EHMT2: variants seen among roughly 807,000 people sequenced by gnomAD.
EHMT2 encodes the protein euchromatic histone lysine methyltransferase 2, also known as histone-lysine N-methyltransferase EHMT2.
EHMT2 carries 59 observed loss-of-function variants against 143.3 expected under a neutral mutation model. The ratio of observed to expected loss-of-function variants is 0.41; its 90% CI spans 0.33 to 0.51. The LOEUF is 0.51. Among genes scored for constraint, EHMT2 ranks in the 20% least tolerant of loss-of-function variants. The probability of loss-of-function intolerance (pLI) is 0.18; values close to 1 mark genes in which losing one functional copy is unlikely to be tolerated. For missense variants in EHMT2, 1,174 were observed against 1,645.9 expected (o/e 0.71, Z 4.96); for synonymous variants, 604 against 651.5 (o/e 0.93, Z 1.11).
chr6:31,894,529 C>T (rs1176184127), intron 4 of EHMT2, among the ~76,000 whole-genome samples: 3 of 151,626 alleles, frequency 2.0e-5, no homozygotes, highest in Non-Finnish European at 2.9e-5. Flanking sequence ...GTGATCCTCC[C>T]GCCTCGGCCT....
chr6:31,886,886 G>A, exon 17 of EHMT2: 1 of 1,614,184 alleles, frequency 6.2e-7, no homozygotes. Context: ...CTGCATTTAT[G>A]TTGGCTCCAG....
Position 31,888,327 on chromosome 6 carries a change from AG to A in EHMT2, c.1509+35del. ...AGGTTACTGGGGCCCCCTCTGCCAC[AG>A]GGCATGCTACCTGTCTGCCCCACTG... On this transcript the variant is annotated intron_variant, in intron 12 of 27. Coordinates refer to ENST00000375537, the Ensembl canonical transcript of EHMT2. The surrounding 1 kb of genome is among the most constrained non-coding windows in gnomAD (Gnocchi z 7.4). 6.2e-7 allele frequency: 1 copy of A among 1,611,664 alleles called. No homozygotes were observed. The highest frequency in any genetic ancestry group is 8.5e-7 in the Non-Finnish European group (1 of 1,179,174).
intron 25 of EHMT2, 44 bp downstream of exon 25, chr6:31,882,655 G>GTATC: frequency 6.3e-7 from 1 of 1,575,552 alleles, no homozygotes; most frequent in Non-Finnish European, 8.7e-7. Flanking sequence ...CAGTGGCCAT[G>GTATC]TATCCCCTTC....
Position 31,883,024 on chromosome 6 carries a change from G to A in EHMT2, c.2995-15C>T, listed in dbSNP as rs749184976. Reference sequence around the variant, plus strand: ...AATCGCCCATCCTAGGGTGCGGAGGGGAGGATAGTGGTTTCTCTGTGGGGC... The same window carrying A: ...AATCGCCCATCCTAGGGTGCGGAGGAGAGGATAGTGGTTTCTCTGTGGGGC... On this transcript the variant is annotated splice_polypyrimidine_tract_variant and intron_variant, in intron 23 of 27. Coordinates refer to ENST00000375537, the Ensembl canonical transcript of EHMT2. The surrounding 1 kb of genome is among the most constrained non-coding windows in gnomAD (Gnocchi z 5.6). 3.1e-6 allele frequency: 5 copies of A among 1,608,788 alleles called. No individual in the cohort carries two copies. The African/African-American group carries it at 4.0e-5, about 13-fold the overall frequency.
exon 1 of EHMT2, chr6:31,897,684 T>G (rs1423880643): frequency 9.0e-7 from 1 of 1,112,696 alleles, no homozygotes; most frequent in Admixed American, 4.6e-5. Context: ...CCATCGCCGC[T>G]TGCGCTGGGG....
Position 31,880,369 on chromosome 6 carries a change from C to A in EHMT2, c.3453-105G>T. ...CCCTGAGAGGGACCCGACACCCAAC[C>A]TATCTTCTCCAGATGGGATCTGAGC... On this transcript the variant is annotated intron_variant, in intron 27 of 27. Coordinates refer to ENST00000375537, the Ensembl canonical transcript of EHMT2. This position sits in a 1 kb window ranked among gnomAD's most constrained non-coding sequence, Gnocchi z 6.6. The A allele has an allele frequency of 7.7e-7, 1 of 1,294,666 alleles. No individual in the cohort carries two copies. The highest frequency in any genetic ancestry group is 1.1e-6 in the Non-Finnish European group (1 of 937,410). The allele number at this position is 1,294,666 out of a possible 1,614,324, so 80.2% of individuals were successfully genotyped here.
In EHMT2 at chr6:31,883,923, C is replaced by A; in HGVS notation, c.2799G>T (p.Val933=). The A allele has an allele frequency of 6.2e-7, 1 of 1,613,854 alleles. No individual in the cohort carries two copies. Among genetic ancestry groups the A allele is most frequent in the Non-Finnish European group, 8.5e-7 (1 of 1,179,934 alleles). The change falls in exon 22 of 28, where the codon GTG becomes GTT. Residue 933 remains valine, a synonymous_variant. Transcript: ENST00000375537. This position sits in a 1 kb window ranked among gnomAD's most constrained non-coding sequence, Gnocchi z 5.6. Reference sequence around the variant, plus strand: ...CCACACCGTTGACACAGGGAATGGGCACGTTCTCATAGCCCCGAGCCACGT... The same window carrying A: ...CCACACCGTTGACACAGGGAATGGGAACGTTCTCATAGCCCCGAGCCACGT...
At position 31,892,683 on chromosome 6, in the gene EHMT2, C is replaced by G. The variant is rs991191238; in HGVS notation, c.708+11G>C. The G allele has an allele frequency of 6.2e-7, 1 of 1,613,136 alleles. No individual in the cohort carries two copies. The highest frequency in any genetic ancestry group is 8.5e-7 in the Non-Finnish European group (1 of 1,180,026). Reference sequence around the variant, plus strand: ...CCCCCGAGGGGTAGAGGCTCTGCCTCTGCTGCTTACCAGGCCACCTCCTGA... The same window carrying G: ...CCCCCGAGGGGTAGAGGCTCTGCCTGTGCTGCTTACCAGGCCACCTCCTGA... On this transcript the variant is annotated intron_variant, in intron 6 of 27. Coordinates refer to ENST00000375537, the Ensembl canonical transcript of EHMT2.
chr6:31,897,346 C>A, intron 1 of EHMT2: 1 of 472,734 alleles, frequency 2.1e-6, no homozygotes, highest in Non-Finnish European at 3.4e-6. Context: ...GCACCCGCTG[C>A]CCCCCAGCCC....
Position 31,887,675 on chromosome 6 carries a change from G to A in EHMT2, c.1929-16C>T, listed in dbSNP as rs142196219. ...CTTCTTCCGCCTGCCAAGGGAGCACGGGAGCGGGGAGAGAAGGGGAGCTCC... is the reference window on the plus strand; with the variant it reads ...CTTCTTCCGCCTGCCAAGGGAGCACAGGAGCGGGGAGAGAAGGGGAGCTCC... On this transcript the variant is annotated splice_polypyrimidine_tract_variant and intron_variant, in intron 14 of 27. Coordinates refer to ENST00000375537, the Ensembl canonical transcript of EHMT2. 5.0e-6 allele frequency: 8 copies of A among 1,612,158 alleles called. No individual in the cohort carries two copies. The highest frequency in any genetic ancestry group is 2.7e-5 in the African/African-American group (2 of 74,934).
rs913312080 is a variant in EHMT2 at position 31,880,009 on chromosome 6, C to T, written c.*75G>A. 1.2e-5 allele frequency: 19 copies of T among 1,521,012 alleles called. No homozygotes were observed. In the African/African-American group the frequency reaches 1.5e-4, roughly 12 times the overall value. 94.2% of individuals were successfully genotyped at this position (1,521,012 alleles called of 1,614,324 possible). ...AGATGGCAGCACCCCCAGGCATGGG[C>T]TGCGAGCAGCTGGTGGCAGAGGAGG... On this transcript the variant is annotated 3_prime_UTR_variant, in exon 28 of 28. Coordinates refer to ENST00000375537, the Ensembl canonical transcript of EHMT2. This position sits in a 1 kb window ranked among gnomAD's most constrained non-coding sequence, Gnocchi z 6.6.
intron 4 of EHMT2, 86 bp from the exon 5 acceptor site, chr6:31,892,996 G>A (rs933858388): frequency 2.6e-5 from 21 of 816,220 alleles, no homozygotes; most frequent in Non-Finnish European, 1.1e-5. Context: ...CGGGGGTGGG[G>A]TAGTGAGCCA....
In EHMT2 at chr6:31,884,131, T is replaced by C. The variant is rs945089095; in HGVS notation, c.2772-181A>G. On this transcript the variant is annotated intron_variant, in intron 21 of 27. Coordinates refer to ENST00000375537, the Ensembl canonical transcript of EHMT2. This position sits in a 1 kb window ranked among gnomAD's most constrained non-coding sequence, Gnocchi z 7.3. ...AGATAAACAAGAAATAGCTTTTTAG[T>C]ATGTCCCAAAAATTACACAGGACAT... 5.8e-5 allele frequency: 44 copies of C among 759,404 alleles called. 1 individual carries two copies. In the East Asian group the frequency reaches 1.2e-3, roughly 20 times the overall value. 47.0% of individuals were successfully genotyped at this position (759,404 alleles called of 1,614,324 possible).
exon 24 of EHMT2, chr6:31,882,957 T>C (rs759972911): frequency 6.2e-7 from 1 of 1,612,842 alleles, no homozygotes; most frequent in Non-Finnish European, 8.5e-7. Flanking sequence ...CTGGTTACAC[T>C]CGAAAATCAG....
chr6:31,897,589 G>A, intron 1 of EHMT2, 47 bp downstream of exon 1: 2 of 1,125,956 alleles, frequency 1.8e-6, no homozygotes, highest in South Asian at 4.3e-5. Context: ...GCTTCCCCCG[G>A]GCGCGCGCGC....
Position 31,888,397 on chromosome 6 carries a change from T to C in EHMT2, c.1475A>G (p.His492Arg). The C allele has an allele frequency of 6.2e-7, 1 of 1,612,838 alleles. No individual in the cohort carries two copies. The highest frequency in any genetic ancestry group is 2.2e-5 in the East Asian group (1 of 44,870). ...GAAGTAGCCGCAGCCCGGGCAGCAG[T>C]GGTGTTTGACCATGCGGGCGCGGTG... Residue 492 changes from histidine to arginine, a missense_variant, in exon 12 of 28, where the codon CAC becomes CGC. This residue lies in a region of EHMT2 where 608 missense variants were observed against 903.7 expected (regional missense o/e 0.67). Coordinates refer to ENST00000375537, the Ensembl canonical transcript of EHMT2. This position sits in a 1 kb window ranked among gnomAD's most constrained non-coding sequence, Gnocchi z 7.4.
Position 31,883,413 on chromosome 6 carries a change from A to G in EHMT2, c.2943T>C (p.Ser981=), listed in dbSNP as rs142523755. The G allele has an allele frequency of 4.2e-5, 68 of 1,612,812 alleles. No homozygotes were observed. Among genetic ancestry groups the G allele is most frequent in the African/African-American group, 5.3e-5 (4 of 74,928 alleles). ...GCTGGCCGCACAGGCAGTTGGAGCT[A>G]GAGCAGTCGTCCACACACGTGCAGT... The change falls in exon 23 of 28, where the codon TCT becomes TCC. Residue 981 remains serine, a synonymous_variant. Transcript: ENST00000375537. The surrounding 1 kb of genome is among the most constrained non-coding windows in gnomAD (Gnocchi z 5.6).
Position 31,880,168 on chromosome 6 carries a change from G to A in EHMT2, c.3549C>T (p.Ala1183=). 1 of 1,613,044 alleles carries A rather than the reference G, an allele frequency of 6.2e-7. No individual in the cohort carries two copies. Among genetic ancestry groups the A allele is most frequent in the Non-Finnish European group, 8.5e-7 (1 of 1,180,032 alleles). Residue 1183 remains alanine (A), a synonymous_variant, in exon 28 of 28, where the codon GCC becomes GCT. Coordinates refer to ENST00000375537, the Ensembl canonical transcript of EHMT2. This position sits in a 1 kb window ranked among gnomAD's most constrained non-coding sequence, Gnocchi z 6.6. ...GGCGGGCCAGACGGCTCTGCTCCAG[G>A]GCAATGGCTTCGGCTGAGTGCTTGC...
chr6:31,892,831 G>T lies in EHMT2; in HGVS notation c.662C>A (p.Thr221Asn), dbSNP rs751473285. ...GGGTGGGGGATGGGACTGACCTGAG[G>T]TCACCTTTCCCAGTGAGTGGACATC... The change falls in exon 5 of 28, where the codon ACC (threonine) becomes AAC (asparagine). Residue 221 changes from threonine (T) to asparagine (N), a missense_variant. Thr to Asn is a moderately conservative substitution (Grantham distance 65). Around this residue, in one of 6 missense-constraint regions of EHMT2, gnomAD observed 399 missense variants for 404.4 expected, o/e 0.99. Transcript: ENST00000375537. The T allele has an allele frequency of 1.0e-5, 16 of 1,607,854 alleles. No individual in the cohort carries two copies. The East Asian group carries it at 1.8e-4, about 18-fold the overall frequency.
Sources: gnomAD v4.1 joint callset for allele counts (sites outside exome capture counted in the v4.1 genomes callset) on GRCh38, gnomAD v4.1.1 for gene constraint, gnomAD v4.1.1 regional missense constraint, Gnocchi (gnomAD v3.1) non-coding constraint, MANE v1.5 for transcripts, NCBI Gene and HGNC (gene_info 2026-07-23, HGNC 2026-07-21) for gene names.